The following NXPE2 variants were observed in gnomAD, a reference collection of about 807,000 sequenced individuals.
The protein encoded by NXPE2 is NXPE family member 2.
In NXPE2, 34 loss-of-function variants were observed where a neutral mutation model predicts 34.4. The observed-to-expected ratio is 0.99, with a 90% CI of 0.75 to 1.31. The LOEUF is 1.31. NXPE2 is among the 40% of genes most tolerant of loss of function. The pLI, the probability that NXPE2 is intolerant of heterozygous loss-of-function variation, is 0.00. For missense variants in NXPE2, 649 were observed against 672.5 expected (o/e 0.97, Z 0.39); for synonymous variants, 235 against 231.3 (o/e 1.02, Z -0.15).
At chr11:114,580,066 CT>C in the NXPE2 span, 1 of 1,325,666 alleles carries the variant, frequency 7.5e-7, no homozygotes, top group South Asian at 1.2e-5. Context: ...ATATTCCCTT[CT>C]CCCCTTTGAA....
the NXPE2 span, among the ~76,000 whole-genome samples, chr11:114,632,119 AT>A: frequency 6.9e-6 from 1 of 144,410 alleles, no homozygotes; most frequent in Non-Finnish European, 1.5e-5. Flanking sequence ...TAAATTATAT[AT>A]TATAATAAAA....
the NXPE2 span, chr11:114,529,105 A>T: frequency 3.2e-6 from 1 of 316,276 alleles, no homozygotes; most frequent in African/African-American, 2.1e-5. Context: ...TATGGAAAAA[A>T]GACTCTAAAC....
chr11:114,530,488 C>T, the NXPE2 span: 92 of 1,613,816 alleles, frequency 5.7e-5, no homozygotes, highest in Admixed American at 5.7e-4. Context: ...GAGACCTGGC[C>T]CTCCCAGAAC....
At chr11:114,599,802 T>C in the NXPE2 span, among the ~76,000 whole-genome samples, 1 of 152,082 alleles carries the variant, frequency 6.6e-6, no homozygotes, top group Non-Finnish European at 1.5e-5. Context: ...TTATAAGAAC[T>C]CTGCCCCCGT....
the NXPE2 span, among the ~76,000 whole-genome samples, chr11:114,723,267 G>A: frequency 6.6e-6 from 1 of 152,022 alleles, no homozygotes; most frequent in South Asian, 2.1e-4. Context: ...TATACTGAAA[G>A]TTTGCAATAC....
chr11:114,563,377 A>G, the NXPE2 span, among the ~76,000 whole-genome samples: 1 of 152,048 alleles, frequency 6.6e-6, no homozygotes, highest in Non-Finnish European at 1.5e-5. Flanking sequence ...TCATTTTCTT[A>G]TTTACTTCCA....
At chr11:114,795,989 C>T in the NXPE2 span, among the ~76,000 whole-genome samples, 4 of 152,138 alleles carry the variant, frequency 2.6e-5, no homozygotes, top group African/African-American at 9.7e-5. Flanking sequence ...CTATTCAGTA[C>T]CTAGAATTCC....
the NXPE2 span, among the ~76,000 whole-genome samples, chr11:114,611,415 G>A: frequency 1.3e-5 from 2 of 151,438 alleles, no homozygotes; most frequent in African/African-American, 4.8e-5. Flanking sequence ...TGGATAATAA[G>A]TATTGCCTCT....
At chr11:114,723,877 C>A in the NXPE2 span, among the ~76,000 whole-genome samples, 4 of 152,144 alleles carry the variant, frequency 2.6e-5, no homozygotes, top group Non-Finnish European at 4.4e-5. Context: ...AGCAATGTGG[C>A]AGCCTTGGTG....
chr11:114,592,801 A>G, the NXPE2 span, among the ~76,000 whole-genome samples: 1 of 152,204 alleles, frequency 6.6e-6, no homozygotes, highest in South Asian at 2.1e-4. Context: ...TATAGTAAAC[A>G]GTGTTATACT....
chr11:114,811,242 G>A, the NXPE2 span, among the ~76,000 whole-genome samples: 9 of 151,054 alleles, frequency 6.0e-5, no homozygotes, highest in Non-Finnish European at 7.4e-5. Flanking sequence ...GCTAAATGAC[G>A]AGTTAGTGGG....
chr11:114,696,482 G>GTA (rs1488483931), intron 2 of NXPE2, among the ~76,000 whole-genome samples: 1 of 151,830 alleles, frequency 6.6e-6, no homozygotes, highest in Non-Finnish European at 1.5e-5. Flanking sequence ...AATAATGCTT[G>GTA]TATGAATTTA....
At chr11:114,615,373 C>T in the NXPE2 span, among the ~76,000 whole-genome samples, 27,261 of 151,712 alleles carry the variant, frequency 0.18, 2,828 homozygotes, top group Non-Finnish European at 0.22. Context: ...CACTGTTACC[C>T]GGTGGATAAT....
chr11:114,537,883 TC>T, the NXPE2 span, among the ~76,000 whole-genome samples: 1 of 151,942 alleles, frequency 6.6e-6, no homozygotes, highest in Non-Finnish European at 1.5e-5. Flanking sequence ...TTCAATGCCA[TC>T]CCCATCAAGC....
the NXPE2 span, among the ~76,000 whole-genome samples, chr11:114,631,798 A>C: frequency 1.3e-5 from 2 of 151,550 alleles, no homozygotes; most frequent in Non-Finnish European, 2.9e-5. Flanking sequence ...ACTGTTACCC[A>C]GTGGATAATA....
At chr11:114,612,582 T>C in the NXPE2 span, among the ~76,000 whole-genome samples, 1 of 152,030 alleles carries the variant, frequency 6.6e-6, no homozygotes. Context: ...ACCCAATGGA[T>C]AATAAGTATT....
chr11:114,495,131 C>G, the NXPE2 span, among the ~76,000 whole-genome samples: 1 of 152,144 alleles, frequency 6.6e-6, no homozygotes, highest in African/African-American at 2.4e-5. Context: ...ACCTCTGTGG[C>G]CACCACCAGT....
chr11:114,791,632 A>C, the NXPE2 span, among the ~76,000 whole-genome samples: 1 of 152,236 alleles, frequency 6.6e-6, no homozygotes, highest in African/African-American at 2.4e-5. Flanking sequence ...TATGAATGAA[A>C]GAATGGATAA....
At position 114,698,717 on chromosome 11, in the gene NXPE2, A is replaced by G. The variant is rs573634894; in HGVS notation, c.805A>G (p.Met269Val). ...TATGCCCTGTGAGGCCTTGACCCAC[A>G]TGACCACTAGGACAAGAAATATTTC... ...QHMPCEALTH[M>V]TTRTRNISYL... Residue 269 changes from methionine (M) to valine (V), a missense_variant, in exon 3 of 6, where the codon ATG becomes GTG. Physicochemically the swap from Met to Val is conservative, Grantham distance 21. Transcript: ENST00000389586. 100 of 1,613,014 alleles carry G rather than the reference A, an allele frequency of 6.2e-5. No homozygotes were observed. Among genetic ancestry groups the G allele is most frequent in the South Asian group, 1.3e-4 (12 of 90,888 alleles).
Sources: allele counts gnomAD v4.1 joint callset (sites outside exome capture counted in the v4.1 genomes callset), GRCh38; gene constraint gnomAD v4.1.1; transcripts MANE v1.5; gene names NCBI Gene and HGNC (gene_info 2026-07-23, HGNC 2026-07-21).